NEBL: variants seen among roughly 807,000 people sequenced by gnomAD.
NEBL encodes LIM and SH3 protein 2.
NEBL carries 122 observed loss-of-function variants against 140.2 expected under a neutral mutation model. That is an observed-to-expected ratio of 0.87 (90% CI 0.75 to 1.01). The LOEUF is 1.01. Among genes scored for constraint, NEBL ranks in the 50% least tolerant of loss-of-function variants. NEBL has a pLI of 0.00. For synonymous variants in NEBL, 436 were observed against 398.9 expected, an observed-to-expected ratio of 1.09 and a Z score of -1.11; for missense variants, 1,365 against 1,231.3, an observed-to-expected ratio of 1.11 and a Z score of -1.62.
rs557336370 is a variant in NEBL at position 20,969,487 on chromosome 10, A to T, written c.250-7708T>A. Among the ~76,000 whole-genome samples the T allele has an allele frequency of 7.5e-5, 11 of 146,138 alleles. No individual in the cohort carries two copies. In the South Asian group the frequency reaches 1.7e-3, roughly 23 times the overall value. Reference sequence around the variant, plus strand: ...TTTTACTTAAAAAAAAAAAAATGAAATTTTTTTTATTCTAAACAAAAATGC... The same window carrying T: ...TTTTACTTAAAAAAAAAAAAATGAATTTTTTTTTATTCTAAACAAAAATGC... On this transcript the variant is annotated intron_variant, in intron 3 of 6. Transcript: ENST00000417816.
intron 3 of NEBL, among the ~76,000 whole-genome samples, chr10:21,002,616 A>G (rs1837953004): frequency 6.6e-6 from 1 of 152,154 alleles, no homozygotes; most frequent in Non-Finnish European, 1.5e-5. Context: ...ATGGATGGAG[A>G]GGTCTCAGGA....
intron 2 of NEBL, among the ~76,000 whole-genome samples, chr10:21,099,644 T>G (rs901066236): frequency 3.3e-5 from 5 of 152,204 alleles, no homozygotes; most frequent in Non-Finnish European, 7.3e-5. Context: ...GATTGTAATC[T>G]CTCAGATTTG....
At chr10:21,019,726 C>T (rs960929929) in intron 3 of NEBL, among the ~76,000 whole-genome samples, 1 of 152,168 alleles carries the variant, frequency 6.6e-6, no homozygotes, top group African/African-American at 2.4e-5. Flanking sequence ...GATACACAGA[C>T]GGGGTGTTAG....
chr10:21,283,245 C>T (rs66527303), intron 1 of NEBL, among the ~76,000 whole-genome samples: 16,530 of 152,030 alleles, frequency 0.11, 1,126 homozygotes, highest in African/African-American at 0.18. Flanking sequence ...TTCCCATTAG[C>T]GCCATGACGG....
intron 11 of NEBL, among the ~76,000 whole-genome samples, chr10:20,850,003 A>T (rs1250876905): frequency 6.6e-6 from 1 of 151,962 alleles, no homozygotes; most frequent in Non-Finnish European, 1.5e-5. Context: ...TTTTCATTGA[A>T]AAAAAAAGGG....
intron 3 of NEBL, among the ~76,000 whole-genome samples, chr10:20,999,309 A>G (rs1237113304): frequency 1.3e-5 from 2 of 152,170 alleles, no homozygotes; most frequent in Non-Finnish European, 2.9e-5. Flanking sequence ...CAAGAAATAC[A>G]AGCCAGGCTG....
At chr10:21,125,694 C>A (rs1235746476) in intron 2 of NEBL, 11 of 605,460 alleles carry the variant, frequency 1.8e-5, no homozygotes, top group Non-Finnish European at 2.9e-5. Context: ...CACACTCCTT[C>A]CTCCCTGCAC....
intron 4 of NEBL, among the ~76,000 whole-genome samples, chr10:20,924,280 C>T (rs1833754837): frequency 6.6e-6 from 1 of 151,806 alleles, no homozygotes; most frequent in African/African-American, 2.4e-5. Context: ...GATTGAGAAG[C>T]CCTGTGTCTT....
chr10:20,945,050 A>G (rs1835087621), intron 4 of NEBL, among the ~76,000 whole-genome samples: 1 of 152,212 alleles, frequency 6.6e-6, no homozygotes, highest in Non-Finnish European at 1.5e-5. Flanking sequence ...AATACTTTTT[A>G]GTTACTCTTC....
At chr10:21,222,969 G>A (rs1842093227) in intron 3 of NEBL, among the ~76,000 whole-genome samples, 1 of 152,190 alleles carries the variant, frequency 6.6e-6, no homozygotes, top group African/African-American at 2.4e-5. Flanking sequence ...CAGCATGTTG[G>A]CCAGGCTGGC....
chr10:20,923,673 A>AAAAAAAAAAAAAAAAAAAAAAAC (rs1833717880), intron 4 of NEBL, among the ~76,000 whole-genome samples: 1 of 131,784 alleles, frequency 7.6e-6, no homozygotes, highest in African/African-American at 3.1e-5. Context: ...TCTCAAAAAA[A>AAAAAAAAAAAAAAAAAAAAAAAC]AAAAAAAAAA....
chr10:20,976,875 C>A (rs1405299136), intron 3 of NEBL, among the ~76,000 whole-genome samples: 3 of 144,938 alleles, frequency 2.1e-5, no homozygotes, highest in African/African-American at 7.6e-5. Flanking sequence ...CAGCATCACA[C>A]AATATACCCA....
At chr10:21,178,279 T>C (rs1459058750), upstream of NEBL, among the ~76,000 whole-genome samples, 1 of 152,200 alleles carries the variant, frequency 6.6e-6, no homozygotes, top group Non-Finnish European at 1.5e-5. Flanking sequence ...AACATATAGT[T>C]ATTGGTAGGC....
At chr10:20,912,308 G>A (rs937878600) in intron 4 of NEBL, among the ~76,000 whole-genome samples, 6 of 152,178 alleles carry the variant, frequency 3.9e-5, no homozygotes, top group African/African-American at 1.4e-4. Flanking sequence ...TGCATTAGCT[G>A]GGTGTGGTGG....
intron 2 of NEBL, among the ~76,000 whole-genome samples, chr10:21,112,520 A>T (rs1289064932): frequency 4.1e-5 from 6 of 146,248 alleles, no homozygotes; most frequent in Non-Finnish European, 7.5e-5. Flanking sequence ...GTTCTCACTC[A>T]TAGGTGGGAA....
intron 20 of NEBL, chr10:20,818,872 G>A (rs1371784770): frequency 2.0e-5 from 20 of 989,500 alleles, no homozygotes; most frequent in Non-Finnish European, 2.3e-5. Context: ...ATCCAAAAAT[G>A]CAGAGGGTGT....
intron 3 of NEBL, among the ~76,000 whole-genome samples, chr10:21,008,550 G>T (rs1279712195): frequency 6.6e-6 from 1 of 152,052 alleles, no homozygotes; most frequent in East Asian, 1.9e-4. Flanking sequence ...ATGAAAAAAT[G>T]CTCAACATCA....
At chr10:21,183,592 T>C (rs1841418421) in intron 3 of NEBL, among the ~76,000 whole-genome samples, 1 of 152,212 alleles carries the variant, frequency 6.6e-6, no homozygotes, top group South Asian at 2.1e-4. Flanking sequence ...TTTACAAAAG[T>C]AGAATGTTTT....
At chr10:20,812,123 G>A (rs919899830) in intron 24 of NEBL, among the ~76,000 whole-genome samples, 4 of 152,178 alleles carry the variant, frequency 2.6e-5, no homozygotes, top group Non-Finnish European at 5.9e-5. Flanking sequence ...CCCATGGCGT[G>A]TCTGTTTTTG....
Sources: gnomAD v4.1 joint callset for allele counts (sites outside exome capture counted in the v4.1 genomes callset) on GRCh38, gnomAD v4.1.1 for gene constraint, MANE v1.5 for transcripts, NCBI Gene and HGNC (gene_info 2026-07-23, HGNC 2026-07-21) for gene names.